Variants in SPTBN5 observed in about 807,000 individuals in gnomAD.
The protein encoded by SPTBN5 is spectrin beta chain, non-erythrocytic 5.
SPTBN5 carries 513 observed loss-of-function variants against 477.6 expected under a neutral mutation model. The ratio of observed to expected loss-of-function variants is 1.07; its 90% CI spans 1.00 to 1.16. The LOEUF (loss-of-function observed/expected upper bound fraction) is 1.16, where lower values mean the gene tolerates loss of function less well. SPTBN5 is among the 50% of genes most tolerant of loss of function. The pLI is 0.00. For missense variants in SPTBN5, 5,062 were observed against 4,731.8 expected (o/e 1.07, Z -2.05); for synonymous variants, 2,169 against 2,011.7 (o/e 1.08, Z -2.09).
chr15:41,851,394 G>C, intron 63 of SPTBN5, 25 bp from the exon 64 acceptor site: 1 of 1,526,964 alleles, frequency 6.5e-7, no homozygotes, highest in Middle Eastern at 1.7e-4. Flanking sequence ...CGGGAAGGTC[G>C]CATGAGCCAC....
Position 41,870,470 on chromosome 15 carries a change from GA to G in SPTBN5, c.5537del (p.Leu1846ProfsTer30), listed in dbSNP as rs749789045. 2 of 1,613,572 alleles carry G rather than the reference GA, an allele frequency of 1.2e-6. No homozygotes were observed. The highest frequency in any genetic ancestry group is 2.7e-5 in the African/African-American group (2 of 74,886). On this transcript the variant is annotated frameshift_variant, in exon 30 of 68. Transcript: ENST00000320955. LOFTEE classifies it high-confidence loss of function. ...CCTGGACCTGGGTGAGGACTTCCAA[GA>G]GATCTCTGTGAACTCTGAGGGTGGT... ...TETTLRVHRD[L>X]LEVLTQVQEK...
rs1391532111 is a variant in SPTBN5, at chr15:41,866,512, G to C, written c.6481-19C>G. 2.0e-6 allele frequency: 3 copies of C among 1,536,648 alleles called. No homozygotes were observed. In the South Asian group the frequency reaches 3.8e-5, roughly 19 times the overall value. On this transcript the variant is annotated intron_variant, in intron 36 of 67. Coordinates refer to ENST00000320955, the MANE Select transcript of SPTBN5 (RefSeq NM_016642.4). ...CCTCAGCCTGGTGGGGGTGGGACATGAATGCTGCAATGTTCTGCAGCCTCA... is the reference window on the plus strand; with the variant it reads ...CCTCAGCCTGGTGGGGGTGGGACATCAATGCTGCAATGTTCTGCAGCCTCA...
In SPTBN5 at chr15:41,854,986, T is replaced by C; in HGVS notation, c.9424-10A>G. The C allele has an allele frequency of 6.5e-7, 1 of 1,531,914 alleles. No individual in the cohort carries two copies. The highest frequency in any genetic ancestry group is 8.8e-7 in the Non-Finnish European group (1 of 1,139,186). 94.9% of individuals were successfully genotyped at this position (1,531,914 alleles called of 1,614,324 possible). A position where few individuals can be genotyped will look rare whatever the true frequency, so the allele number is the denominator to read the frequency against. On this transcript the variant is annotated splice_polypyrimidine_tract_variant and intron_variant, in intron 55 of 67. Transcript: ENST00000320955. The stretch of plus-strand genomic sequence containing the variant: ...ACTTCTCTTCCAGCACCTGCAAAGG[T>C]ATGAGGCCCAGCAGGGTCACTTGAG...
At chr15:41,880,632 C>T (rs887149949) in intron 13 of SPTBN5, among the ~76,000 whole-genome samples, 1 of 152,154 alleles carries the variant, frequency 6.6e-6, no homozygotes, top group African/African-American at 2.4e-5. Flanking sequence ...GCCTGCTCCA[C>T]CCCCACCTGC....
Position 41,872,431 on chromosome 15 carries a change from C to T in SPTBN5, c.5036G>A (p.Trp1679Ter), listed in dbSNP as rs1567211016. The change falls in exon 27 of 68, where the codon TGG becomes TAG. Residue 1679 changes from tryptophan (W) to a stop codon, truncating the protein, a stop_gained. Transcript: ENST00000320955. LOFTEE classifies it high-confidence loss of function. ...QALQEELAIYWSSMEELDQTA... is the reference protein window; with the variant it reads ...QALQEELAIY ...CTGGTCAAGCTCCTCCATGGAGCTC[C>T]AGTAAATGGCTAGTTCCTCCTGTAG... The T allele has an allele frequency of 1.3e-6, 2 of 1,574,582 alleles. No individual in the cohort carries two copies. The highest frequency in any genetic ancestry group is 8.6e-7 in the Non-Finnish European group (1 of 1,160,590).
chr15:41,852,316 T>A lies in SPTBN5; in HGVS notation c.10450A>T (p.Met3484Leu), dbSNP rs1405105814. 6.3e-7 allele frequency: 1 copy of A among 1,576,784 alleles called. No individual in the cohort carries two copies. Among genetic ancestry groups the A allele is most frequent in the Admixed American group, 1.8e-5 (1 of 54,936 alleles). Residue 3484 changes from methionine to leucine, a missense_variant and splice_region_variant, in exon 62 of 68, where the codon ATG (methionine) becomes TTG (leucine). Physicochemically the swap from Met to Leu is conservative, Grantham distance 15. Coordinates refer to ENST00000320955, the MANE Select transcript of SPTBN5 (RefSeq NM_016642.4). Reference protein sequence around the residue: ...EKFAQMQKTEMEQELLLQPQE... With the variant: ...EKFAQMQKTELEQELLLQPQE... ...GGCTGCAGCAGGAGCTCCTGTTCCATCTTGGGGAGTGGGCAAGGTGGGCAA... is the reference window on the plus strand; with the variant it reads ...GGCTGCAGCAGGAGCTCCTGTTCCAACTTGGGGAGTGGGCAAGGTGGGCAA...
intron 60 of SPTBN5, 39 bp from the exon 61 acceptor site, chr15:41,852,774 G>GGGA: frequency 1.2e-6 from 2 of 1,611,586 alleles, no homozygotes; most frequent in Non-Finnish European, 1.7e-6. Flanking sequence ...CAGCTTGGGG[G>GGGA]GGGGGGCCCA....
At chr15:41,881,873 C>T in intron 12 of SPTBN5, 63 bp downstream of exon 12, 1 of 1,444,870 alleles carries the variant, frequency 6.9e-7, no homozygotes, top group South Asian at 1.3e-5. Flanking sequence ...TTTTTGTCCT[C>T]TGTGTGGCCC....
intron 40 of SPTBN5, 23 bp downstream of exon 40, chr15:41,863,886 G>C (rs1175921886): frequency 6.2e-7 from 1 of 1,613,326 alleles, no homozygotes; most frequent in Non-Finnish European, 8.5e-7. Context: ...CGGCCCTTTG[G>C]TTCTCCCCAG....
chr15:41,874,047 T>A lies in SPTBN5; in HGVS notation c.4690-2A>T. 1 of 1,589,126 alleles carries A rather than the reference T, an allele frequency of 6.3e-7. No individual in the cohort carries two copies. Among genetic ancestry groups the A allele is most frequent in the Admixed American group, 1.7e-5 (1 of 57,738 alleles). ...AGCTTTTACCTCCACCTGGAGCTCCTGCCACAGAGTGGCTTGAGAGGCTGC... is the reference window on the plus strand; with the variant it reads ...AGCTTTTACCTCCACCTGGAGCTCCAGCCACAGAGTGGCTTGAGAGGCTGC... On this transcript the variant is annotated splice_acceptor_variant, in intron 24 of 67. Transcript: ENST00000320955. LOFTEE classifies it high-confidence loss of function.
chr15:41,855,811 C>G (rs778822023), intron 53 of SPTBN5, 66 bp from the exon 54 acceptor site: 1 of 1,436,064 alleles, frequency 7.0e-7, no homozygotes, highest in Non-Finnish European at 9.2e-7. Flanking sequence ...TTTACAGCCA[C>G]GATTCTCAGC....
Position 41,883,141 on chromosome 15 carries a change from A to C in SPTBN5, c.1747T>G (p.Ser583Ala). 1 of 1,612,688 alleles carries C rather than the reference A, an allele frequency of 6.2e-7. No individual in the cohort carries two copies. ...QRHDLLEAQVSAHGAHVSHLA... is the reference protein window; with the variant it reads ...QRHDLLEAQVAAHGAHVSHLA... The stretch of plus-strand genomic sequence containing the variant: ...TGGCTCACATGGGCTCCGTGGGCCG[A>C]GACTTGAGCCTCCAGCAGGTCATGC... Residue 583 changes from serine (S) to alanine (A), a missense_variant, in exon 9 of 68, where the codon TCG becomes GCG. Physicochemically the swap from Ser to Ala is moderately conservative, Grantham distance 99. Coordinates refer to ENST00000320955, the MANE Select transcript of SPTBN5 (RefSeq NM_016642.4).
chr15:41,858,452 G>C, intron 49 of SPTBN5, 150 bp downstream of exon 49: 1 of 1,019,086 alleles, frequency 9.8e-7, no homozygotes, highest in Non-Finnish European at 1.4e-6. Context: ...CTACACTTCT[G>C]CCTAAACAAC....
chr15:41,876,008 G>C, intron 21 of SPTBN5, 106 bp downstream of exon 21: 1 of 1,398,344 alleles, frequency 7.2e-7, no homozygotes, highest in East Asian at 2.4e-5. Flanking sequence ...GGTTCACGCT[G>C]AGGCTGATTT....
At chr15:41,855,888 C>G in intron 53 of SPTBN5, 143 bp from the exon 54 acceptor site, 1 of 840,774 alleles carries the variant, frequency 1.2e-6, no homozygotes, top group Non-Finnish European at 1.8e-6. Flanking sequence ...TCCTAAGCAG[C>G]CTCATCTGGT....
At chr15:41,855,851 T>C in intron 53 of SPTBN5, 106 bp from the exon 54 acceptor site, 2 of 1,218,166 alleles carry the variant, frequency 1.6e-6, no homozygotes, top group Non-Finnish European at 2.2e-6. Flanking sequence ...ACCTGGGAGC[T>C]GTCACGCTCC....
rs992847911 is a variant in SPTBN5 at position 41,887,297 on chromosome 15, G to A, written c.804C>T (p.Arg268=). The A allele has an allele frequency of 1.9e-6, 3 of 1,551,312 alleles. No individual in the cohort carries two copies. The highest frequency in any genetic ancestry group is 2.6e-6 in the Non-Finnish European group (3 of 1,147,014). ...AGAGGGAGACGTAGGTCATGATAGA[G>A]CGCTCATCTGGCTGTGCGGCTGCCA... The part of the protein sequence containing the change: ...EDVAAAQPDE[R]SIMTYVSLYY... Residue 268 remains arginine (R), a synonymous_variant, in exon 6 of 68, where the codon CGC becomes CGT. Transcript: ENST00000320955.
intron 65 of SPTBN5, 38 bp downstream of exon 65, chr15:41,851,021 G>T (rs370223479): frequency 2.3e-4 from 364 of 1,599,362 alleles, no homozygotes; most frequent in Non-Finnish European, 2.9e-4. Context: ...CCAGGTGGCT[G>T]CTGGGGGTGA....
At position 41,879,720 on chromosome 15, in the gene SPTBN5, T is replaced by A; in HGVS notation, c.2942+14A>T. On this transcript the variant is annotated intron_variant, in intron 15 of 67. Coordinates refer to ENST00000320955, the MANE Select transcript of SPTBN5 (RefSeq NM_016642.4). ...CTGCCTGCCTCACCACCTGCACTCC[T>A]GCCTCATTCTCACCTCTGGCTCAGT... 1.9e-6 allele frequency: 3 copies of A among 1,613,096 alleles called. No individual in the cohort carries two copies. The highest frequency in any genetic ancestry group is 2.5e-6 in the Non-Finnish European group (3 of 1,179,790).
Sources: allele counts gnomAD v4.1 joint callset (sites outside exome capture counted in the v4.1 genomes callset), GRCh38; gene constraint gnomAD v4.1.1; transcripts MANE v1.5; gene names NCBI Gene and HGNC (gene_info 2026-07-23, HGNC 2026-07-21).